The following SNX18 variants were observed in gnomAD, a reference collection of about 807,000 sequenced individuals.
The protein encoded by SNX18 is sorting nexin-18.
In SNX18, 35 loss-of-function variants were observed where a neutral mutation model predicts 48.7. The ratio of observed to expected loss-of-function variants is 0.72; its 90% CI spans 0.55 to 0.95. SNX18 has a LOEUF of 0.95. Ranked by LOEUF, SNX18 falls within the 40% of genes least tolerant of loss-of-function variation. The pLI is 0.00. For missense variants in SNX18, 824 were observed against 871.0 expected, an observed-to-expected ratio of 0.95 and a Z score of 0.68; for synonymous variants, 492 against 384.7, an observed-to-expected ratio of 1.28 and a Z score of -3.26.
chr5:54,638,573 C>T, the SNX18 span, among the ~76,000 whole-genome samples: 24,408 of 152,056 alleles, frequency 0.16, 2,410 homozygotes, highest in Middle Eastern at 0.22. Context: ...TTTTATTTGT[C>T]ATTTCCTGAC....
chr5:54,586,555 G>A, the SNX18 span, among the ~76,000 whole-genome samples: 1 of 152,222 alleles, frequency 6.6e-6, no homozygotes. Context: ...AGGAATATGA[G>A]CGTGCAAGAC....
chr5:54,519,810 G>A (rs1224670876), intron 1 of SNX18: 2 of 1,611,142 alleles, frequency 1.2e-6, no homozygotes, highest in African/African-American at 1.3e-5. Context: ...GGTTCAAAGA[G>A]TACCTTTGAT....
At chr5:54,566,055 C>T in the SNX18 span, among the ~76,000 whole-genome samples, 1 of 152,242 alleles carries the variant, frequency 6.6e-6, no homozygotes, top group East Asian at 1.9e-4. Context: ...CGTCCTTCAG[C>T]CTTGTGAGTC....
rs769402714 is a variant in SNX18 at position 54,519,429 on chromosome 5, A to G, written c.1477A>G (p.Ile493Val). The G allele has an allele frequency of 3.1e-6, 5 of 1,613,572 alleles. No individual in the cohort carries two copies. Among genetic ancestry groups the G allele is most frequent in the Admixed American group, 1.7e-5 (1 of 59,990 alleles). The change falls in exon 1 of 2, where the codon ATC becomes GTC. Residue 493 changes from isoleucine (I) to valine (V), a missense_variant. Ile to Val is a conservative substitution (Grantham distance 29, BLOSUM62 3). This residue lies in a region of SNX18 where 443 missense variants were observed against 503.6 expected (regional missense o/e 0.88). Transcript: ENST00000381410. ...QAFSVGLNQA[I>V]AFTGDAYDAI... ...CTTCTCGGTGGGCCTGAACCAGGCT[A>G]TCGCCTTCACCGGAGATGCCTATGA...
the SNX18 span, among the ~76,000 whole-genome samples, chr5:54,609,011 C>T: frequency 1.3e-5 from 2 of 152,176 alleles, no homozygotes; most frequent in Non-Finnish European, 2.9e-5. Context: ...CTGCTAATTC[C>T]CCGTTCTTAG....
the SNX18 span, among the ~76,000 whole-genome samples, chr5:54,621,840 A>T: frequency 6.6e-6 from 1 of 152,186 alleles, no homozygotes; most frequent in Non-Finnish European, 1.5e-5. Flanking sequence ...AAACGCCCTG[A>T]ATATGTTGTC....
chr5:54,570,151 T>C, the SNX18 span, among the ~76,000 whole-genome samples: 110 of 152,036 alleles, frequency 7.2e-4, 1 homozygote, highest in East Asian at 7.2e-3. Context: ...AAGAGGGAAA[T>C]TTGGACACAG....
the SNX18 span, among the ~76,000 whole-genome samples, chr5:54,633,420 G>C: frequency 2.0e-5 from 3 of 152,144 alleles, no homozygotes; most frequent in East Asian, 5.8e-4. Context: ...AGAGTTGGGT[G>C]ACTGAATGAA....
chr5:54,560,207 C>T, the SNX18 span, among the ~76,000 whole-genome samples: 1 of 152,172 alleles, frequency 6.6e-6, no homozygotes, highest in Non-Finnish European at 1.5e-5. Flanking sequence ...TTCACAATAA[C>T]AAAGACATGG....
At chr5:54,567,677 G>A in the SNX18 span, among the ~76,000 whole-genome samples, 1 of 152,216 alleles carries the variant, frequency 6.6e-6, no homozygotes, top group South Asian at 2.1e-4. Context: ...AAGCACCCAA[G>A]TGTCTGCTGA....
chr5:54,612,059 A>G, the SNX18 span, among the ~76,000 whole-genome samples: 2 of 151,968 alleles, frequency 1.3e-5, no homozygotes, highest in African/African-American at 4.8e-5. Context: ...TAAATTCTTT[A>G]ATGTAGAGAT....
the SNX18 span, among the ~76,000 whole-genome samples, chr5:54,635,357 A>C: frequency 6.6e-6 from 1 of 152,132 alleles, no homozygotes; most frequent in Non-Finnish European, 1.5e-5. Context: ...AAATATAAGA[A>C]AATTCTTACA....
the SNX18 span, among the ~76,000 whole-genome samples, chr5:54,619,897 A>C: frequency 6.6e-6 from 1 of 152,318 alleles, no homozygotes; most frequent in African/African-American, 2.4e-5. Context: ...ACATGAGTAG[A>C]GAAAAGTCAA....
chr5:54,599,784 T>G, the SNX18 span, among the ~76,000 whole-genome samples: 1 of 152,214 alleles, frequency 6.6e-6, no homozygotes, highest in Non-Finnish European at 1.5e-5. Context: ...GCTATCCATT[T>G]GCAGAAAATT....
At chr5:54,633,529 G>A in the SNX18 span, among the ~76,000 whole-genome samples, 1 of 152,168 alleles carries the variant, frequency 6.6e-6, no homozygotes, top group Admixed American at 6.5e-5. Context: ...TCAGTAACAA[G>A]CTGATATTAG....
chr5:54,645,707 C>G, the SNX18 span: 2 of 152,216 alleles, frequency 1.3e-5, no homozygotes, highest in Admixed American at 1.3e-4. Flanking sequence ...TTTACATATA[C>G]AGGAAATTTG....
chr5:54,564,097 C>T, the SNX18 span, among the ~76,000 whole-genome samples: 5 of 151,812 alleles, frequency 3.3e-5, no homozygotes, highest in Non-Finnish European at 7.4e-5. Context: ...GTGGCCATCT[C>T]TACTAAAAAT....
downstream of SNX18, among the ~76,000 whole-genome samples, chr5:54,550,378 G>A (rs562934750): frequency 7.2e-5 from 11 of 152,130 alleles, no homozygotes; most frequent in African/African-American, 2.2e-4. Context: ...ATGCTGACAG[G>A]TGGTCTCATA....
In SNX18 at chr5:54,537,506, C is replaced by A. The variant is rs78757191; in HGVS notation, c.1622-5673C>A. Among the ~76,000 whole-genome samples the A allele has an allele frequency of 2.9e-3, 448 of 152,244 alleles. 1 individual carries two copies. The highest frequency in any genetic ancestry group is 0.01 in the African/African-American group (424 of 41,556). On this transcript the variant is annotated intron_variant, in intron 1 of 1. Transcript: ENST00000381410. The stretch of plus-strand genomic sequence containing the variant: ...TCTGATTATACCTGTTTATTATTTT[C>A]TTTCATCTTAAAGCTGTTCCCCTAA...
Sources: gnomAD v4.1 joint callset for allele counts (sites outside exome capture counted in the v4.1 genomes callset) on GRCh38, gnomAD v4.1.1 for gene constraint, gnomAD v4.1.1 regional missense constraint, MANE v1.5 for transcripts, NCBI Gene and HGNC (gene_info 2026-07-23, HGNC 2026-07-21) for gene names.